The following OXSR1 variants were observed in gnomAD, a reference collection of about 807,000 sequenced individuals.
The protein encoded by OXSR1 is oxidative stress responsive kinase 1.
In OXSR1, 24 loss-of-function variants were observed where a neutral mutation model predicts 79.8. The observed-to-expected ratio is 0.30, with a 90% CI of 0.22 to 0.42. The LOEUF is 0.42. OXSR1 is among the 10% of genes least tolerant of loss of function. The probability of loss-of-function intolerance (pLI) is 1.00; values close to 1 mark genes in which losing one functional copy is unlikely to be tolerated. For synonymous variants in OXSR1, 226 were observed against 209.2 expected, an observed-to-expected ratio of 1.08 and a Z score of -0.69; for missense variants, 430 against 618.4, an observed-to-expected ratio of 0.70 and a Z score of 3.23.
chr3:38,245,978 C>T, intron 12 of OXSR1, 97 bp from the exon 13 acceptor site: 2 of 1,106,826 alleles, frequency 1.8e-6, no homozygotes. Flanking sequence ...CCAAAAACTA[C>T]TTTGAAAATA....
intron 6 of OXSR1, among the ~76,000 whole-genome samples, chr3:38,222,727 C>G (rs1049446411): frequency 6.6e-6 from 1 of 152,122 alleles, no homozygotes; most frequent in African/African-American, 2.4e-5. Flanking sequence ...TAAAAGTATT[C>G]ACAACCTTCC....
At chr3:38,191,462 C>T (rs899243914) in intron 3 of OXSR1, among the ~76,000 whole-genome samples, 3 of 151,624 alleles carry the variant, frequency 2.0e-5, no homozygotes, top group African/African-American at 4.9e-5. Flanking sequence ...GTAGAATATG[C>T]CATATTCTGG....
At chr3:38,223,353 T>C (rs1702625913) in intron 6 of OXSR1, among the ~76,000 whole-genome samples, 1 of 151,992 alleles carries the variant, frequency 6.6e-6, no homozygotes, top group Non-Finnish European at 1.5e-5. Context: ...CTTGAACTCT[T>C]GGCCTCAAGC....
intron 12 of OXSR1, among the ~76,000 whole-genome samples, chr3:38,243,703 G>A (rs866141480): frequency 2.0e-5 from 3 of 152,226 alleles, no homozygotes; most frequent in South Asian, 2.1e-4. Context: ...AAGTACATTT[G>A]TGTATGTGAT....
intron 10 of OXSR1, among the ~76,000 whole-genome samples, chr3:38,234,584 A>G (rs1173309779): frequency 6.6e-6 from 1 of 152,214 alleles, no homozygotes; most frequent in Non-Finnish European, 1.5e-5. Flanking sequence ...AATCAAAAAG[A>G]CAGTAACAAC....
chr3:38,207,427 A>C (rs1279116070), intron 4 of OXSR1, among the ~76,000 whole-genome samples: 2 of 152,158 alleles, frequency 1.3e-5, no homozygotes, highest in Admixed American at 1.3e-4. Context: ...GATTTCCACC[A>C]CATCCACATT....
intron 2 of OXSR1, among the ~76,000 whole-genome samples, chr3:38,190,124 A>G (rs1460567740): frequency 6.6e-6 from 1 of 152,000 alleles, no homozygotes; most frequent in Non-Finnish European, 1.5e-5. Flanking sequence ...AAAAGAAGGT[A>G]AACAGGGCCC....
At chr3:38,168,883 A>G (rs1422742884) in intron 1 of OXSR1, among the ~76,000 whole-genome samples, 2 of 152,088 alleles carry the variant, frequency 1.3e-5, no homozygotes, top group East Asian at 1.9e-4. Flanking sequence ...TGGGCATTGG[A>G]TTGTTTCTGC....
intron 6 of OXSR1, among the ~76,000 whole-genome samples, chr3:38,222,982 C>A (rs1200795882): frequency 6.6e-6 from 1 of 152,042 alleles, no homozygotes; most frequent in Non-Finnish European, 1.5e-5. Flanking sequence ...TAAAAATATA[C>A]CATACTTAAC....
rs79066125 is a variant in OXSR1, at chr3:38,208,371, C to G, written c.435-7725C>G. On this transcript the variant is annotated intron_variant, in intron 4 of 17. Transcript: ENST00000311806. ...TTGCAAGTAGAAAATATCATTAAGT[C>G]AAAACTGAACGATCATAAATTGGGG... 7.1e-3 allele frequency among the ~76,000 whole-genome samples: 1,085 copies of G among 152,242 alleles called. 17 individuals carry two copies. The highest frequency in any genetic ancestry group is 0.025 in the African/African-American group (1,042 of 41,530).
chr3:38,237,067 C>A, intron 11 of OXSR1, 106 bp downstream of exon 11: 1 of 1,026,044 alleles, frequency 9.7e-7, no homozygotes, highest in Non-Finnish European at 1.4e-6. Flanking sequence ...TTTTCTTGAA[C>A]AGCTTATTAA....
At chr3:38,192,517 AT>A (rs1702002777) in intron 3 of OXSR1, among the ~76,000 whole-genome samples, 1 of 152,234 alleles carries the variant, frequency 6.6e-6, no homozygotes, top group South Asian at 2.1e-4. Context: ...CAAGTTTAAT[AT>A]CATGGACTTT....
chr3:38,241,759 T>C (rs1703039925), intron 11 of OXSR1, among the ~76,000 whole-genome samples: 1 of 152,030 alleles, frequency 6.6e-6, no homozygotes, highest in Admixed American at 6.6e-5. Flanking sequence ...CAAAAGTTTT[T>C]TTTTCTTGTA....
chr3:38,184,220 A>G (rs554665699), intron 2 of OXSR1, among the ~76,000 whole-genome samples: 12 of 152,326 alleles, frequency 7.9e-5, no homozygotes, highest in Admixed American at 3.3e-4. Flanking sequence ...ATGGAATTAT[A>G]TATTGCATAA....
intron 12 of OXSR1, among the ~76,000 whole-genome samples, chr3:38,244,042 G>T (rs1026352191): frequency 6.6e-6 from 1 of 152,186 alleles, no homozygotes; most frequent in Non-Finnish European, 1.5e-5. Flanking sequence ...CTTGAAGTGT[G>T]TCCAATAAAC....
At chr3:38,180,771 C>T (rs1277022527) in intron 1 of OXSR1, among the ~76,000 whole-genome samples, 3 of 151,634 alleles carry the variant, frequency 2.0e-5, no homozygotes, top group Non-Finnish European at 2.9e-5. Context: ...TGGACTCAGG[C>T]GATCTGCTCA....
intron 3 of OXSR1, chr3:38,193,315 AG>A (rs1163992921): frequency 7.8e-7 from 1 of 1,289,606 alleles, no homozygotes; most frequent in African/African-American, 1.5e-5. Context: ...GCTTTGTTAA[AG>A]GCCCTGTTCA....
intron 2 of OXSR1, among the ~76,000 whole-genome samples, chr3:38,183,953 C>A (rs1369449175): frequency 6.6e-6 from 1 of 151,982 alleles, no homozygotes; most frequent in Non-Finnish European, 1.5e-5. Context: ...CTTTGGATAC[C>A]TTTTGAGGTT....
chr3:38,183,750 A>T (rs192514496), intron 2 of OXSR1, among the ~76,000 whole-genome samples: 8 of 152,340 alleles, frequency 5.3e-5, no homozygotes, highest in Non-Finnish European at 1.2e-4. Flanking sequence ...CCCAAGCAAT[A>T]GCTGTAAGAA....
Sources: allele counts gnomAD v4.1 joint callset (sites outside exome capture counted in the v4.1 genomes callset), GRCh38; gene constraint gnomAD v4.1.1; transcripts MANE v1.5; gene names NCBI Gene and HGNC (gene_info 2026-07-23, HGNC 2026-07-21).